TBC1D8B: variants seen among roughly 807,000 people sequenced by gnomAD.
TBC1D8B encodes the protein TBC1 domain family member 8B, also known as RP11-321G1.1.
Under a neutral mutation model 82.9 loss-of-function variants are expected in TBC1D8B, and 75 were observed. The observed-to-expected ratio is 0.90, with a 90% CI of 0.75 to 1.10. The LOEUF (loss-of-function observed/expected upper bound fraction) is 1.10, where lower values mean the gene tolerates loss of function less well. Ranked by LOEUF, TBC1D8B falls within the 50% of genes least tolerant of loss-of-function variation. The pLI is 0.00. For missense variants in TBC1D8B, 794 were observed against 796.9 expected (o/e 1.00, Z 0.04); for synonymous variants, 276 against 276.8 (o/e 1.00, Z 0.03).
intron 7 of TBC1D8B, among the ~76,000 whole-genome samples, chrX:106,833,062 A>T (rs1932082522): frequency 9.0e-6 from 1 of 111,295 alleles, no homozygotes; most frequent in Non-Finnish European, 1.9e-5. Context: ...GCATTTGTTT[A>T]TATTTTTTTG....
At chrX:106,824,463 T>A (rs758625978) in intron 5 of TBC1D8B, among the ~76,000 whole-genome samples, 6 of 111,241 alleles carry the variant, frequency 5.4e-5, no homozygotes, top group Non-Finnish European at 1.1e-4. Context: ...GGAAATTAGA[T>A]CAGCAAGGTA....
At chrX:106,810,833 A>G (rs1477093083) in intron 1 of TBC1D8B, among the ~76,000 whole-genome samples, 4 of 111,640 alleles carry the variant, frequency 3.6e-5, no homozygotes, top group Non-Finnish European at 7.5e-5. Context: ...ATTACCTTTA[A>G]ACATCTCTGA....
intron 1 of TBC1D8B, among the ~76,000 whole-genome samples, chrX:106,804,347 T>A (rs1426657598): frequency 1.8e-5 from 2 of 111,850 alleles, no homozygotes; most frequent in Non-Finnish European, 3.8e-5. Flanking sequence ...GGACATTTTT[T>A]AAAATTTTGC....
At chrX:106,870,674 G>C (rs1354854218) in intron 19 of TBC1D8B, 42 bp from the exon 20 acceptor site, 3 of 885,189 alleles carry the variant, frequency 3.4e-6, no homozygotes, top group African/African-American at 2.0e-5. Context: ...GGAAAGTATA[G>C]TGGGCTGTTC....
intron 1 of TBC1D8B, chrX:106,815,635 G>A (rs1931521244): frequency 1.8e-5 from 2 of 109,713 alleles, no homozygotes; most frequent in South Asian, 4.0e-4. Flanking sequence ...AATTACCTTG[G>A]GCAGTATGGC....
At chrX:106,830,897 T>C (rs886573728) in intron 7 of TBC1D8B, among the ~76,000 whole-genome samples, 1 of 108,853 alleles carries the variant, frequency 9.2e-6, no homozygotes, top group Non-Finnish European at 1.9e-5. Flanking sequence ...TATACATATG[T>C]AACTAACCTG....
At chrX:106,827,444 G>GT (rs757295574) in intron 7 of TBC1D8B, 107 bp downstream of exon 7, 110 of 872,734 alleles carry the variant, frequency 1.3e-4, no homozygotes, top group Middle Eastern at 3.2e-4. Flanking sequence ...ATGCCCAGGG[G>GT]TTTTTTTTAA....
intron 14 of TBC1D8B, among the ~76,000 whole-genome samples, chrX:106,854,969 A>G (rs888034633): frequency 4.5e-5 from 5 of 112,351 alleles, no homozygotes; most frequent in African/African-American, 1.6e-4. Flanking sequence ...TGTTTTAAAT[A>G]CTTGTCTTTT....
chrX:106,874,148 A>G lies in TBC1D8B; in HGVS notation c.*183A>G. 5.6e-6 allele frequency: 2 copies of G among 356,125 alleles called. No homozygotes were observed. Among genetic ancestry groups the G allele is most frequent in the Admixed American group, 5.7e-5 (1 of 17,688 alleles). The allele number at this position is 356,125 out of a possible 1,213,427, so 29.3% of individuals were successfully genotyped here. On this transcript the variant is annotated 3_prime_UTR_variant, in exon 21 of 21. Coordinates refer to ENST00000357242, the MANE Select transcript of TBC1D8B (RefSeq NM_017752.3). ...ATAATGGGCTTTGTTAGCACTTTTT[A>G]AAACAAACAAACAAACAAAACAAAA...
rs73531168 is a variant in TBC1D8B, at chrX:106,840,101, A to G, written c.1407A>G (p.Gly469=). The stretch of plus-strand genomic sequence containing the variant: ...GGAAAATACTGTTTGCAGAATGTGG[A>G]CGTGGTGTTAGTATGTTTCGAACCA... ...QSWKILFAEC[G]RGVSMFRTKK... Residue 469 remains glycine (G), a synonymous_variant, in exon 9 of 21, where the codon GGA becomes GGG. Transcript: ENST00000357242. 14,357 of 1,207,961 alleles carry G rather than the reference A, an allele frequency of 0.012. 1,127 individuals are homozygous for G. The African/African-American group carries it at 0.22, about 19-fold the overall frequency.
chrX:106,861,579 A>C (rs912819298), intron 14 of TBC1D8B, among the ~76,000 whole-genome samples: 1 of 111,482 alleles, frequency 9.0e-6, no homozygotes, highest in Non-Finnish European at 1.9e-5. Context: ...TGCTTGGTAG[A>C]TTCTTCCTCA....
chrX:106,807,601 C>G (rs1389099122), intron 1 of TBC1D8B, among the ~76,000 whole-genome samples: 23 of 110,272 alleles, frequency 2.1e-4, no homozygotes, highest in African/African-American at 6.0e-4. Context: ...CTTTATTTCT[C>G]AAAATCTCCT....
At position 106,875,909 on chromosome X, in the gene TBC1D8B, G is replaced by A. The variant is rs929374882; in HGVS notation, c.*1944G>A. On this transcript the variant is annotated 3_prime_UTR_variant, in exon 21 of 21. Coordinates refer to ENST00000357242, the MANE Select transcript of TBC1D8B (RefSeq NM_017752.3). ...AAAGAGATTTTTTGAGTTGCAAAAA[G>A]TTTATAAATGCAAAGCAAAAAGAAA... 1.8e-5 allele frequency: 2 copies of A among 112,243 alleles called. No individual in the cohort carries two copies. The highest frequency in any genetic ancestry group is 6.5e-5 in the African/African-American group (2 of 30,916). The allele number at this position is 112,243 out of a possible 1,213,427, so 9.3% of individuals were successfully genotyped here. A position where few individuals can be genotyped will look rare whatever the true frequency, so the allele number is the denominator to read the frequency against.
Position 106,823,206 on chromosome X carries a change from C to G in TBC1D8B, c.587-20C>G. The G allele has an allele frequency of 8.4e-7, 1 of 1,195,402 alleles. No individual in the cohort carries two copies. The highest frequency in any genetic ancestry group is 1.1e-6 in the Non-Finnish European group (1 of 884,647). ...CACTATGAAAATTTAATCATACCTGCTTATACCTCTTATTTGCAGTAAAAC... is the reference window on the plus strand; with the variant it reads ...CACTATGAAAATTTAATCATACCTGGTTATACCTCTTATTTGCAGTAAAAC... On this transcript the variant is annotated intron_variant, in intron 4 of 20. Transcript: ENST00000357242.
At chrX:106,851,320 G>A (rs1932580970) in intron 12 of TBC1D8B, among the ~76,000 whole-genome samples, 1 of 112,172 alleles carries the variant, frequency 8.9e-6, no homozygotes, top group African/African-American at 3.2e-5. Flanking sequence ...AAATCAGGAG[G>A]CGGAGGTTGT....
chrX:106,866,624 A>G lies in TBC1D8B; in HGVS notation c.2663-173A>G, dbSNP rs1259587848. 2.7e-5 allele frequency among the ~76,000 whole-genome samples: 3 copies of G among 112,344 alleles called. No homozygotes were observed. The East Asian group carries it at 8.3e-4, about 31-fold the overall frequency. On this transcript the variant is annotated intron_variant, in intron 16 of 20. Transcript: ENST00000357242. Reference sequence around the variant, plus strand: ...GAGTATTTTGCTTATACAGTTATACACTTGAAGGAGAGCATCTGATTGACT... The same window carrying G: ...GAGTATTTTGCTTATACAGTTATACGCTTGAAGGAGAGCATCTGATTGACT...
chrX:106,845,174 C>CT (rs947190161), intron 10 of TBC1D8B, among the ~76,000 whole-genome samples: 3 of 108,356 alleles, frequency 2.8e-5, no homozygotes, highest in African/African-American at 3.3e-5. Context: ...CGTTCTTGCT[C>CT]TTTTTTTTTG....
At chrX:106,852,421 T>G (rs1234644581) in intron 12 of TBC1D8B, among the ~76,000 whole-genome samples, 1 of 108,839 alleles carries the variant, frequency 9.2e-6, no homozygotes, top group Non-Finnish European at 1.9e-5. Context: ...TTAGTTTAAT[T>G]AGATCCCATT....
intron 7 of TBC1D8B, 137 bp downstream of exon 7, chrX:106,827,474 A>G (rs1931884973): frequency 1.6e-6 from 1 of 635,598 alleles, no homozygotes; most frequent in Non-Finnish European, 2.4e-6. Flanking sequence ...CTAAGAAATT[A>G]TATTGTCTAA....
Sources: gnomAD v4.1 joint callset for allele counts (sites outside exome capture counted in the v4.1 genomes callset) on GRCh38, gnomAD v4.1.1 for gene constraint, MANE v1.5 for transcripts, NCBI Gene and HGNC (gene_info 2026-07-23, HGNC 2026-07-21) for gene names.